NOVA1: variants seen among roughly 807,000 people sequenced by gnomAD.
NOVA1 encodes the protein NOVA alternative splicing regulator 1.
NOVA1 carries 7 observed loss-of-function variants against 38.0 expected under a neutral mutation model. That is an observed-to-expected ratio of 0.18 (90% CI 0.10 to 0.35). NOVA1 has a LOEUF of 0.35. Among genes scored for constraint, NOVA1 ranks in the 10% least tolerant of loss-of-function variants. NOVA1 has a pLI of 1.00. For synonymous variants in NOVA1, 270 were observed against 232.5 expected (o/e 1.16, Z -1.47); for missense variants, 460 against 616.0 (o/e 0.75, Z 2.68).
chr14:26,579,159 G>T (rs993036077), intron 2 of NOVA1, among the ~76,000 whole-genome samples: 12 of 139,974 alleles, frequency 8.6e-5, no homozygotes, highest in Non-Finnish European at 1.5e-4. Flanking sequence ...CCAGGTTCAA[G>T]TGACTCTCCC....
In NOVA1 at chr14:26,595,480, C is replaced by T. The variant is rs960083281; in HGVS notation, c.210G>A (p.Gln70=). The change falls in exon 2 of 5, where the codon CAG becomes CAA. Residue 70 remains glutamine (Q), a synonymous_variant. Coordinates refer to ENST00000539517, the MANE Select transcript of NOVA1 (RefSeq NM_002515.3). The part of the protein sequence containing the change: ...AAGSIIGKGG[Q]TIVQLQKETG... ...TTTCTTTTTGCAACTGAACAATTGT[C>T]TGTCCTCCCTTCCCAATTATAGATC... 1.2e-6 allele frequency: 2 copies of T among 1,613,944 alleles called. No homozygotes were observed. Among genetic ancestry groups the T allele is most frequent in the Non-Finnish European group, 1.7e-6 (2 of 1,179,854 alleles).
intron 4 of NOVA1, among the ~76,000 whole-genome samples, chr14:26,463,205 A>G (rs141178167): frequency 6.6e-6 from 1 of 152,196 alleles, no homozygotes; most frequent in Non-Finnish European, 1.5e-5. Context: ...ACGTTCTTTT[A>G]TTTGTTTCTA....
At chr14:26,459,346 AAG>A (rs1883465461) in intron 4 of NOVA1, among the ~76,000 whole-genome samples, 1 of 152,126 alleles carries the variant, frequency 6.6e-6, no homozygotes, top group African/African-American at 2.4e-5. Flanking sequence ...AGTATTTAGT[AAG>A]GTAACATGCT....
At chr14:26,493,472 C>T (rs988268251) in intron 2 of NOVA1, among the ~76,000 whole-genome samples, 6 of 152,186 alleles carry the variant, frequency 3.9e-5, no homozygotes, top group African/African-American at 1.2e-4. Context: ...ATAGATAAGG[C>T]CTGACAACTG....
At chr14:26,467,424 A>C (rs745407487) in intron 4 of NOVA1, among the ~76,000 whole-genome samples, 55 of 152,196 alleles carry the variant, frequency 3.6e-4, no homozygotes, top group South Asian at 6.2e-4. Context: ...AAGTGGATTT[A>C]AGAATGGGAA....
At chr14:26,572,685 A>C (rs563880842) in intron 2 of NOVA1, among the ~76,000 whole-genome samples, 1 of 150,872 alleles carries the variant, frequency 6.6e-6, no homozygotes, top group African/African-American at 2.4e-5. Context: ...TTCCTGGATG[A>C]TCATATAAGC....
intron 4 of NOVA1, among the ~76,000 whole-genome samples, chr14:26,456,573 A>G (rs1334433196): frequency 6.6e-6 from 1 of 152,054 alleles, no homozygotes; most frequent in Non-Finnish European, 1.5e-5. Flanking sequence ...TAAAAAATAA[A>G]CCAAATATAA....
At chr14:26,584,188 C>G (rs530853927) in intron 2 of NOVA1, among the ~76,000 whole-genome samples, 64 of 151,402 alleles carry the variant, frequency 4.2e-4, no homozygotes, top group African/African-American at 1.5e-3. Flanking sequence ...ACTGGTTAAA[C>G]ACAACTCACA....
At chr14:26,482,156 C>T (rs1025276108) in intron 2 of NOVA1, among the ~76,000 whole-genome samples, 7 of 152,002 alleles carry the variant, frequency 4.6e-5, no homozygotes, top group African/African-American at 1.7e-4. Flanking sequence ...ATTACTGAGC[C>T]ATAAAGAATT....
At chr14:26,562,416 T>C (rs1175833987) in intron 2 of NOVA1, among the ~76,000 whole-genome samples, 1 of 152,174 alleles carries the variant, frequency 6.6e-6, no homozygotes, top group African/African-American at 2.4e-5. Flanking sequence ...ACTCCACAAA[T>C]GCTAGCTAGC....
At chr14:26,487,904 A>G (rs1886042495) in intron 2 of NOVA1, among the ~76,000 whole-genome samples, 1 of 152,188 alleles carries the variant, frequency 6.6e-6, no homozygotes, top group African/African-American at 2.4e-5. Context: ...TTTTCAGATC[A>G]ACAAAAGTAC....
intron 2 of NOVA1, among the ~76,000 whole-genome samples, chr14:26,553,105 T>C (rs1173555360): frequency 3.3e-5 from 5 of 152,220 alleles, no homozygotes; most frequent in Admixed American, 2.6e-4. Context: ...TGGAATGAAC[T>C]TCACTGTAGC....
chr14:26,491,595 TG>T (rs1566473730), intron 2 of NOVA1, among the ~76,000 whole-genome samples: 1 of 152,172 alleles, frequency 6.6e-6, no homozygotes, highest in African/African-American at 2.4e-5. Flanking sequence ...TTTAGGTTGT[TG>T]ATCTATTTTG....
chr14:26,481,779 T>C (rs983466175), intron 2 of NOVA1, among the ~76,000 whole-genome samples: 3 of 151,984 alleles, frequency 2.0e-5, no homozygotes, highest in Non-Finnish European at 4.4e-5. Context: ...ATCTAGTTTA[T>C]GGGGATACTC....
At chr14:26,582,944 C>T (rs1893310618) in intron 2 of NOVA1, among the ~76,000 whole-genome samples, 1 of 151,802 alleles carries the variant, frequency 6.6e-6, no homozygotes, top group Non-Finnish European at 1.5e-5. Flanking sequence ...TATGGCATAT[C>T]TAGCTCATTA....
At chr14:26,561,332 G>C (rs1891809550) in intron 2 of NOVA1, among the ~76,000 whole-genome samples, 1 of 152,120 alleles carries the variant, frequency 6.6e-6, no homozygotes, top group Admixed American at 6.5e-5. Context: ...AAATACACTT[G>C]GAATTTTTAG....
intron 2 of NOVA1, among the ~76,000 whole-genome samples, chr14:26,506,297 C>T (rs1054019896): frequency 2.6e-5 from 4 of 152,110 alleles, no homozygotes; most frequent in African/African-American, 4.8e-5. Context: ...TCTTCCAGGG[C>T]GTAAAATTAC....
chr14:26,468,780 T>C (rs1385990252), intron 4 of NOVA1, among the ~76,000 whole-genome samples: 3 of 152,218 alleles, frequency 2.0e-5, no homozygotes, highest in African/African-American at 7.2e-5. Flanking sequence ...ATGTGTTTTA[T>C]ACAATTTGAT....
At chr14:26,536,519 T>A (rs990227015) in intron 2 of NOVA1, among the ~76,000 whole-genome samples, 2 of 151,294 alleles carry the variant, frequency 1.3e-5, no homozygotes, top group Non-Finnish European at 2.9e-5. Context: ...TGTTAAAAAA[T>A]TAAAAAAAAT....
Sources: allele counts gnomAD v4.1 joint callset (sites outside exome capture counted in the v4.1 genomes callset), GRCh38; gene constraint gnomAD v4.1.1; transcripts MANE v1.5; gene names NCBI Gene and HGNC (gene_info 2026-07-23, HGNC 2026-07-21).